Variants in BBOX1 observed in about 807,000 individuals in gnomAD.
BBOX1 encodes the protein gamma-butyrobetaine dioxygenase.
Under a neutral mutation model 41.6 loss-of-function variants are expected in BBOX1, and 35 were observed. The observed-to-expected ratio is 0.84, with a 90% confidence interval of 0.64 to 1.11. BBOX1 has a LOEUF of 1.11. BBOX1 is among the 50% of genes most tolerant of loss of function. The pLI, the probability that BBOX1 is intolerant of heterozygous loss-of-function variation, is 0.00. For missense variants in BBOX1, 458 were observed against 460.6 expected, an observed-to-expected ratio of 0.99 and a Z score of 0.05; for synonymous variants, 163 against 154.7, an observed-to-expected ratio of 1.05 and a Z score of -0.40.
intron 4 of BBOX1, among the ~76,000 whole-genome samples, chr11:27,077,220 G>A (rs1857662753): frequency 6.6e-6 from 1 of 152,048 alleles, no homozygotes; most frequent in African/African-American, 2.4e-5. Context: ...GACCAAAAAT[G>A]GCTTCCCTCC....
chr11:27,083,787 A>C (rs1415481448), intron 4 of BBOX1, among the ~76,000 whole-genome samples: 1 of 152,164 alleles, frequency 6.6e-6, no homozygotes, highest in East Asian at 1.9e-4. Context: ...TTTATTCACA[A>C]ATGTAATCTC....
chr11:27,110,891 T>A (rs1416730185), intron 5 of BBOX1, among the ~76,000 whole-genome samples: 1 of 151,960 alleles, frequency 6.6e-6, no homozygotes, highest in African/African-American at 2.4e-5. Context: ...TCAAATGGCA[T>A]GTATATATAG....
chr11:27,082,175 C>T (rs1590196799), intron 4 of BBOX1, among the ~76,000 whole-genome samples: 1 of 152,100 alleles, frequency 6.6e-6, no homozygotes, highest in East Asian at 1.9e-4. Flanking sequence ...CAGGCCCCAC[C>T]TCCAATACTG....
At chr11:27,103,698 T>TA (rs977670384) in intron 5 of BBOX1, among the ~76,000 whole-genome samples, 31 of 151,096 alleles carry the variant, frequency 2.1e-4, no homozygotes, top group South Asian at 4.2e-4. Context: ...GAAGTGGTTA[T>TA]AAAAAAAAAC....
At chr11:27,110,396 C>G (rs150692639) in intron 5 of BBOX1, among the ~76,000 whole-genome samples, 1 of 152,096 alleles carries the variant, frequency 6.6e-6, no homozygotes, top group Non-Finnish European at 1.5e-5. Context: ...GTCCCCAAAG[C>G]CCTTCAGAAA....
At chr11:27,117,405 T>C (rs1428782892) in intron 6 of BBOX1, among the ~76,000 whole-genome samples, 1 of 151,994 alleles carries the variant, frequency 6.6e-6, no homozygotes, top group Non-Finnish European at 1.5e-5. Flanking sequence ...ATGATTTCTT[T>C]GAACTAAGTG....
chr11:27,047,703 C>T lies in BBOX1; in HGVS notation c.-39+6225C>T, dbSNP rs1222406386. ...CTACAAGAACCTAAGATAAATCATC[C>T]GTATGCTAGTATTTCCTAGCCTCTT... On this transcript the variant is annotated intron_variant, in intron 2 of 8. Coordinates refer to ENST00000263182, the MANE Select transcript of BBOX1 (RefSeq NM_003986.3). Among the ~76,000 whole-genome samples the T allele has an allele frequency of 5.9e-5, 9 of 151,986 alleles. No individual in the cohort carries two copies. The South Asian group carries it at 6.2e-4, about 11-fold the overall frequency.
At chr11:27,047,569 A>G (rs1045756291) in intron 2 of BBOX1, among the ~76,000 whole-genome samples, 6 of 152,174 alleles carry the variant, frequency 3.9e-5, no homozygotes, top group African/African-American at 1.4e-4. Flanking sequence ...AAAAATTTTC[A>G]AACACATGAA....
chr11:27,116,931 C>T (rs1307588491), intron 6 of BBOX1, among the ~76,000 whole-genome samples: 1 of 151,972 alleles, frequency 6.6e-6, no homozygotes. Context: ...AACATCCCAT[C>T]TATCAGATTC....
At chr11:27,060,240 C>T (rs1434708869) in intron 4 of BBOX1, among the ~76,000 whole-genome samples, 1 of 152,040 alleles carries the variant, frequency 6.6e-6, no homozygotes, top group South Asian at 2.1e-4. Context: ...CTTTGAAGAT[C>T]TGGTTGTTTT....
chr11:27,096,441 A>G (rs1858439980), intron 5 of BBOX1, among the ~76,000 whole-genome samples: 1 of 152,062 alleles, frequency 6.6e-6, no homozygotes, highest in Non-Finnish European at 1.5e-5. Context: ...GAAAGTAGGA[A>G]CAGATTAAAA....
chr11:27,075,218 G>A (rs1226392737), intron 4 of BBOX1, among the ~76,000 whole-genome samples: 1 of 152,048 alleles, frequency 6.6e-6, no homozygotes, highest in Non-Finnish European at 1.5e-5. Context: ...GTGCTTTCAG[G>A]GGTGAAGACT....
chr11:27,049,218 T>C (rs1851592747), intron 2 of BBOX1, among the ~76,000 whole-genome samples: 1 of 152,024 alleles, frequency 6.6e-6, no homozygotes, highest in African/African-American at 2.4e-5. Context: ...GGTTTTCTTT[T>C]CTCCATATTC....
At chr11:27,058,614 G>A (rs1267805365) in intron 4 of BBOX1, among the ~76,000 whole-genome samples, 1 of 152,210 alleles carries the variant, frequency 6.6e-6, no homozygotes, top group African/African-American at 2.4e-5. Flanking sequence ...AGATGGAAAT[G>A]AGGATCTTAT....
In BBOX1 at chr11:27,048,199, C is replaced by T. The variant is rs535685480; in HGVS notation, c.-39+6721C>T. Reference sequence around the variant, plus strand: ...TAACTATAGTCACTATATTGTACATCGGATCTCCAGAATTTATTTATCCTG... The same window carrying T: ...TAACTATAGTCACTATATTGTACATTGGATCTCCAGAATTTATTTATCCTG... On this transcript the variant is annotated intron_variant, in intron 2 of 8. Transcript: ENST00000263182. 8.5e-5 allele frequency among the ~76,000 whole-genome samples: 13 copies of T among 152,192 alleles called. No individual in the cohort carries two copies. In the South Asian group the frequency reaches 2.3e-3, roughly 27 times the overall value.
At chr11:27,058,007 G>T (rs1019143780) in intron 4 of BBOX1, among the ~76,000 whole-genome samples, 2 of 152,082 alleles carry the variant, frequency 1.3e-5, no homozygotes, top group African/African-American at 4.8e-5. Context: ...AATTTTAGGA[G>T]ATACACAGTA....
intron 6 of BBOX1, among the ~76,000 whole-genome samples, chr11:27,118,859 GA>G (rs1348155921): frequency 2.0e-5 from 3 of 149,950 alleles, no homozygotes; most frequent in Non-Finnish European, 3.0e-5. Flanking sequence ...AGGATTTAAA[GA>G]ACACTGTGAT....
At chr11:27,100,063 T>C (rs1166956209) in intron 5 of BBOX1, among the ~76,000 whole-genome samples, 7 of 152,132 alleles carry the variant, frequency 4.6e-5, no homozygotes, top group Admixed American at 1.3e-4. Context: ...GACTCCTGTT[T>C]GCATTTCTGA....
At chr11:27,076,713 C>T (rs1405764635) in intron 4 of BBOX1, among the ~76,000 whole-genome samples, 5 of 152,120 alleles carry the variant, frequency 3.3e-5, no homozygotes, top group African/African-American at 4.8e-5. Context: ...CAGACAGGGC[C>T]GCACTCTGGC....
Sources: allele counts gnomAD v4.1 joint callset (sites outside exome capture counted in the v4.1 genomes callset), GRCh38; gene constraint gnomAD v4.1.1; transcripts MANE v1.5; gene names NCBI Gene and HGNC (gene_info 2026-07-23, HGNC 2026-07-21).